The following PPP3CA variants were observed in gnomAD, a reference collection of about 807,000 sequenced individuals.
PPP3CA encodes CAM-PRP catalytic subunit.
PPP3CA carries 14 observed loss-of-function variants against 66.5 expected under a neutral mutation model. The ratio of observed to expected loss-of-function variants is 0.21; its 90% CI spans 0.14 to 0.33. PPP3CA has a LOEUF of 0.33. PPP3CA is among the 10% of genes least tolerant of loss of function. The pLI, the probability that PPP3CA is intolerant of heterozygous loss-of-function variation, is 1.00. For synonymous variants in PPP3CA, 232 were observed against 226.2 expected, an observed-to-expected ratio of 1.03 and a Z score of -0.23; for missense variants, 317 against 639.5, an observed-to-expected ratio of 0.50 and a Z score of 5.44.
chr4:101,308,525 A>C (rs1271301177), intron 1 of PPP3CA, among the ~76,000 whole-genome samples: 1 of 152,084 alleles, frequency 6.6e-6, no homozygotes, highest in Non-Finnish European at 1.5e-5. Context: ...AGCTCTCTGC[A>C]GCCTCCAACT....
At chr4:101,199,204 C>A (rs1297550593) in intron 1 of PPP3CA, among the ~76,000 whole-genome samples, 1 of 152,210 alleles carries the variant, frequency 6.6e-6, no homozygotes, top group African/African-American at 2.4e-5. Flanking sequence ...GCATGAAGAC[C>A]TGTGCCAAAT....
chr4:101,196,997 A>T (rs1724815724), intron 1 of PPP3CA, among the ~76,000 whole-genome samples: 1 of 152,198 alleles, frequency 6.6e-6, no homozygotes, highest in East Asian at 1.9e-4. Flanking sequence ...TTAAATTTGC[A>T]ATAAATGGCC....
At chr4:101,040,406 A>T in intron 11 of PPP3CA, 76 bp downstream of exon 11, 1 of 989,318 alleles carries the variant, frequency 1.0e-6, no homozygotes, top group Non-Finnish European at 1.4e-6. Context: ...TTAAATTACC[A>T]GATGAAAGTA....
At chr4:101,343,877 A>C (rs1330508740) in intron 1 of PPP3CA, among the ~76,000 whole-genome samples, 2 of 152,150 alleles carry the variant, frequency 1.3e-5, no homozygotes, top group African/African-American at 4.8e-5. Flanking sequence ...ATTACTACAA[A>C]CCACAAGCAC....
chr4:101,322,066 G>A (rs1169392341), intron 1 of PPP3CA, among the ~76,000 whole-genome samples: 1 of 152,014 alleles, frequency 6.6e-6, no homozygotes, highest in Non-Finnish European at 1.5e-5. Flanking sequence ...ACATATTTAG[G>A]CTTTCTGGTT....
At chr4:101,296,026 G>A (rs1471964494) in intron 1 of PPP3CA, among the ~76,000 whole-genome samples, 2 of 152,068 alleles carry the variant, frequency 1.3e-5, no homozygotes, top group Non-Finnish European at 2.9e-5. Context: ...TGTTGTTGTT[G>A]TTTCTGAAGG....
At chr4:101,270,729 T>C (rs1003331750) in intron 1 of PPP3CA, among the ~76,000 whole-genome samples, 8 of 152,226 alleles carry the variant, frequency 5.3e-5, no homozygotes, top group African/African-American at 1.7e-4. Context: ...ACAGGTGGGC[T>C]AGTGAAGTCC....
intron 1 of PPP3CA, among the ~76,000 whole-genome samples, chr4:101,204,635 C>CAAAAAAAA (rs55925064): frequency 9.3e-6 from 1 of 107,832 alleles, no homozygotes; most frequent in Non-Finnish European, 1.8e-5. Flanking sequence ...GACTCCATCT[C>CAAAAAAAA]AAAAAAAAAA....
At chr4:101,161,891 CTATA>C (rs933472741) in intron 2 of PPP3CA, among the ~76,000 whole-genome samples, 2 of 152,046 alleles carry the variant, frequency 1.3e-5, no homozygotes, top group African/African-American at 4.8e-5. Context: ...TTTGACTTGG[CTATA>C]TATACATTCT....
intron 1 of PPP3CA, among the ~76,000 whole-genome samples, chr4:101,276,281 T>C (rs1727493280): frequency 6.6e-6 from 1 of 152,138 alleles, no homozygotes; most frequent in African/African-American, 2.4e-5. Context: ...AAGGACCTCC[T>C]CTGAAACTTG....
chr4:101,300,689 C>G (rs143174278), intron 1 of PPP3CA, among the ~76,000 whole-genome samples: 1 of 151,934 alleles, frequency 6.6e-6, no homozygotes, highest in East Asian at 1.9e-4. Context: ...TTCAGCTGCT[C>G]GAGAAGCTGG....
intron 1 of PPP3CA, among the ~76,000 whole-genome samples, chr4:101,257,474 A>AT (rs771957030): frequency 5.3e-5 from 8 of 152,040 alleles, no homozygotes; most frequent in Non-Finnish European, 7.4e-5. Flanking sequence ...AACCTCACCT[A>AT]TAAGTATTTA....
intron 2 of PPP3CA, among the ~76,000 whole-genome samples, chr4:101,114,391 C>T (rs1363244002): frequency 6.6e-6 from 1 of 151,878 alleles, no homozygotes; most frequent in Non-Finnish European, 1.5e-5. Context: ...GGTTATTTTC[C>T]CTGTGAGAAA....
chr4:101,273,029 T>C (rs939578141), intron 1 of PPP3CA, among the ~76,000 whole-genome samples: 9 of 152,298 alleles, frequency 5.9e-5, no homozygotes, highest in Non-Finnish European at 8.8e-5. Context: ...TTTTGGTCAT[T>C]TGAAGTACTA....
intron 2 of PPP3CA, among the ~76,000 whole-genome samples, chr4:101,119,183 T>A (rs938788674): frequency 6.6e-6 from 1 of 152,058 alleles, no homozygotes; most frequent in Admixed American, 6.6e-5. Flanking sequence ...TTGTTCTATA[T>A]TTTTCCACAT....
chr4:101,041,426 C>T (rs1486559763), intron 10 of PPP3CA, among the ~76,000 whole-genome samples: 1 of 125,270 alleles, frequency 8.0e-6, no homozygotes, highest in Non-Finnish European at 1.6e-5. Flanking sequence ...AAATACCTCA[C>T]AAATTTTTTT....
At chr4:101,241,892 C>T (rs534634126) in intron 1 of PPP3CA, among the ~76,000 whole-genome samples, 5 of 152,054 alleles carry the variant, frequency 3.3e-5, no homozygotes, top group African/African-American at 1.2e-4. Flanking sequence ...ACAAATGTTA[C>T]AGTACATGAC....
chr4:101,284,940 G>A (rs1727791708), intron 1 of PPP3CA, among the ~76,000 whole-genome samples: 2 of 136,902 alleles, frequency 1.5e-5, no homozygotes, highest in African/African-American at 7.4e-5. Flanking sequence ...TTTAAAATAT[G>A]GGGATTAAAA....
At chr4:101,213,845 G>T (rs766387110) in intron 1 of PPP3CA, among the ~76,000 whole-genome samples, 1 of 152,090 alleles carries the variant, frequency 6.6e-6, no homozygotes, top group Admixed American at 6.6e-5. Flanking sequence ...GAAAATGCCT[G>T]TAAATTGTAG....
Sources: allele counts gnomAD v4.1 joint callset (sites outside exome capture counted in the v4.1 genomes callset), GRCh38; gene constraint gnomAD v4.1.1; transcripts MANE v1.5; gene names NCBI Gene and HGNC (gene_info 2026-07-23, HGNC 2026-07-21).